MAF: variants seen among roughly 807,000 people sequenced by gnomAD.
The protein encoded by MAF is MAF bZIP transcription factor, also known as transcription factor Maf.
A neutral mutation model predicts 22.0 loss-of-function variants in MAF; 10 were observed. The observed-to-expected ratio is 0.45, with a 90% CI of 0.28 to 0.77. MAF has a LOEUF of 0.77. Ranked by LOEUF, MAF falls within the 30% of genes least tolerant of loss-of-function variation. The pLI, the probability that MAF is intolerant of heterozygous loss-of-function variation, is 0.12. For missense variants in MAF, 544 were observed against 548.4 expected, an observed-to-expected ratio of 0.99 and a Z score of 0.08; for synonymous variants, 337 against 255.8, an observed-to-expected ratio of 1.32 and a Z score of -3.03.
chr16:79,578,137 T>TA, the MAF span, among the ~76,000 whole-genome samples: 1 of 152,256 alleles, frequency 6.6e-6, no homozygotes, highest in South Asian at 2.1e-4. Flanking sequence ...GGCATTAATT[T>TA]AAAATGATCA....
the MAF span, among the ~76,000 whole-genome samples, chr16:79,427,652 C>T: frequency 2.6e-5 from 4 of 152,186 alleles, no homozygotes; most frequent in East Asian, 7.8e-4. Flanking sequence ...ATTTTCTCTT[C>T]CTCCACTTTC....
downstream of MAF, among the ~76,000 whole-genome samples, chr16:79,592,339 C>G (rs113194286): frequency 0.063 from 9,558 of 152,198 alleles, 424 homozygotes; most frequent in Middle Eastern, 0.13. Flanking sequence ...CCCCTACCCC[C>G]GCTAGGGAAA....
At chr16:79,513,827 G>C in the MAF span, among the ~76,000 whole-genome samples, 1 of 152,128 alleles carries the variant, frequency 6.6e-6, no homozygotes, top group African/African-American at 2.4e-5. Flanking sequence ...CCCAGTGAAG[G>C]CTGTCTTTTC....
At chr16:79,252,681 G>C in the MAF span, among the ~76,000 whole-genome samples, 1 of 152,162 alleles carries the variant, frequency 6.6e-6, no homozygotes, top group South Asian at 2.1e-4. Flanking sequence ...GTAGAGACAG[G>C]GTTTCACCAT....
chr16:79,270,127 G>C, the MAF span, among the ~76,000 whole-genome samples: 6 of 152,034 alleles, frequency 3.9e-5, no homozygotes, highest in Non-Finnish European at 7.4e-5. Context: ...GGGCCTAGAA[G>C]ATCAGGGAAT....
At chr16:79,404,804 C>T in the MAF span, among the ~76,000 whole-genome samples, 22,649 of 152,098 alleles carry the variant, frequency 0.15, 1,848 homozygotes, top group South Asian at 0.26. Flanking sequence ...TTCAGCGCCA[C>T]TGAGGGGTGG....
At chr16:79,388,225 G>C in the MAF span, among the ~76,000 whole-genome samples, 1 of 152,184 alleles carries the variant, frequency 6.6e-6, no homozygotes, top group African/African-American at 2.4e-5. Context: ...CCATTTGTCT[G>C]GGTTATGTGT....
chr16:79,544,500 C>A, the MAF span, among the ~76,000 whole-genome samples: 1 of 151,884 alleles, frequency 6.6e-6, no homozygotes, highest in African/African-American at 2.4e-5. Flanking sequence ...AGCAGCCGGG[C>A]ATGGTGGCTC....
At chr16:79,386,640 A>T in the MAF span, among the ~76,000 whole-genome samples, 3 of 152,266 alleles carry the variant, frequency 2.0e-5, no homozygotes, top group South Asian at 6.2e-4. Flanking sequence ...ATCATTTATA[A>T]TATCTAAGGT....
intron 1 of MAF, chr16:79,597,573 A>T (rs895288215): frequency 2.0e-6 from 2 of 1,022,886 alleles, no homozygotes; most frequent in Non-Finnish European, 2.3e-6. Flanking sequence ...CCTTCAGTGC[A>T]TTGGGAGGTT....
chr16:79,213,427 T>C, the MAF span, among the ~76,000 whole-genome samples: 1 of 152,222 alleles, frequency 6.6e-6, no homozygotes, highest in Non-Finnish European at 1.5e-5. Context: ...ATGTCACTTT[T>C]CAGACATTAT....
At chr16:79,286,119 G>A in the MAF span, among the ~76,000 whole-genome samples, 1 of 152,110 alleles carries the variant, frequency 6.6e-6, no homozygotes, top group East Asian at 1.9e-4. Context: ...GGGTGATATG[G>A]GCCAACTAGT....
At chr16:79,290,538 T>C in the MAF span, among the ~76,000 whole-genome samples, 1 of 152,114 alleles carries the variant, frequency 6.6e-6, no homozygotes, top group African/African-American at 2.4e-5. Context: ...CCCAAGAGCC[T>C]GTGTGCTTAA....
At chr16:79,222,614 G>A in the MAF span, among the ~76,000 whole-genome samples, 7 of 152,148 alleles carry the variant, frequency 4.6e-5, no homozygotes, top group South Asian at 1.0e-3. Context: ...CCCATCCTGT[G>A]CTGTATTCAG....
the MAF span, among the ~76,000 whole-genome samples, chr16:79,469,613 C>T: frequency 6.6e-6 from 1 of 151,782 alleles, no homozygotes; most frequent in Non-Finnish European, 1.5e-5. Context: ...TTATTTTTTT[C>T]TGAGACAGAG....
chr16:79,345,279 C>T, the MAF span, among the ~76,000 whole-genome samples: 1 of 152,286 alleles, frequency 6.6e-6, no homozygotes, highest in Middle Eastern at 3.4e-3. Context: ...AACTTCTGGT[C>T]ATCTTTTGTC....
At chr16:79,362,978 A>G in the MAF span, among the ~76,000 whole-genome samples, 1 of 152,310 alleles carries the variant, frequency 6.6e-6, no homozygotes, top group South Asian at 2.1e-4. Flanking sequence ...TAATCCTGTT[A>G]GCCTTGCATA....
chr16:79,509,088 T>C, the MAF span, among the ~76,000 whole-genome samples: 1 of 152,262 alleles, frequency 6.6e-6, no homozygotes, highest in Non-Finnish European at 1.5e-5. Context: ...TATTTATATC[T>C]CTGTTTATCT....
At chr16:79,226,104 C>T in the MAF span, among the ~76,000 whole-genome samples, 1 of 152,040 alleles carries the variant, frequency 6.6e-6, no homozygotes, top group African/African-American at 2.4e-5. Flanking sequence ...GTACTGTGCA[C>T]AGTAGTAAAG....
Sources: gnomAD v4.1 joint callset for allele counts (sites outside exome capture counted in the v4.1 genomes callset) on GRCh38, gnomAD v4.1.1 for gene constraint, MANE v1.5 for transcripts, NCBI Gene and HGNC (gene_info 2026-07-23, HGNC 2026-07-21) for gene names.